The following COL4A3 variants were observed in gnomAD, a reference collection of about 807,000 sequenced individuals.
COL4A3 encodes the protein collagen type IV alpha 3 chain.
A neutral mutation model predicts 217.4 loss-of-function variants in COL4A3; 135 were observed. That is an observed-to-expected ratio of 0.62 (90% CI 0.54 to 0.72). COL4A3 has a LOEUF of 0.72. Ranked by LOEUF, COL4A3 falls within the 30% of genes least tolerant of loss-of-function variation. The probability of loss-of-function intolerance (pLI) is 0.00; values close to 1 mark genes in which losing one functional copy is unlikely to be tolerated. For synonymous variants in COL4A3, 690 were observed against 736.3 expected, an observed-to-expected ratio of 0.94 and a Z score of 1.02; for missense variants, 1,868 against 2,119.9, an observed-to-expected ratio of 0.88 and a Z score of 2.33.
chr2:227,302,921 T>G, intron 43 of COL4A3, 117 bp from the exon 44 acceptor site: 1 of 710,250 alleles, frequency 1.4e-6, no homozygotes, highest in Admixed American at 2.1e-5. Context: ...GTCTGCTAAC[T>G]TCAGCTTATT....
intron 25 of COL4A3, among the ~76,000 whole-genome samples, chr2:227,271,913 TA>T (rs1446231067): frequency 6.6e-6 from 1 of 152,220 alleles, no homozygotes; most frequent in East Asian, 1.9e-4. Flanking sequence ...TGTTAGCCAA[TA>T]AAACAGATCT....
chr2:227,277,235 C>A (rs1198676661), intron 27 of COL4A3, among the ~76,000 whole-genome samples: 1 of 150,272 alleles, frequency 6.7e-6, no homozygotes, highest in Non-Finnish European at 1.5e-5. Context: ...GGGAGAATGG[C>A]GTGAACCCAG....
At chr2:227,291,588 A>C (rs2072740113) in intron 37 of COL4A3, among the ~76,000 whole-genome samples, 2 of 34,150 alleles carry the variant, frequency 5.9e-5, no homozygotes, top group Non-Finnish European at 8.3e-5. Flanking sequence ...AACAAAAAAA[A>C]AAAACAAAAA....
At position 227,248,471 on chromosome 2, in the gene COL4A3, A is replaced by G. The variant is rs369769279; in HGVS notation, c.497A>G (p.Glu166Gly). The change falls in exon 9 of 52, where the codon GAA becomes GGA. Residue 166 changes from glutamate to glycine, a missense_variant. Glu to Gly is a moderately conservative substitution (Grantham distance 98). Transcript: ENST00000396578. Reference sequence around the variant, plus strand: ...GCTCCTGCTAAAGAAGAAGATATAGAACTTGATGCAAAAGGCGACCCCGGG... The same window carrying G: ...GCTCCTGCTAAAGAAGAAGATATAGGACTTGATGCAAAAGGCGACCCCGGG... ...KGAPAKEEDI[E>G]LDAKGDPGLP... 4.3e-6 allele frequency: 7 copies of G among 1,612,982 alleles called. No homozygotes were observed. In the African/African-American group the frequency reaches 9.3e-5, roughly 22 times the overall value.
At chr2:227,166,057 A>G (rs113413006) in intron 1 of COL4A3, among the ~76,000 whole-genome samples, 66 of 152,322 alleles carry the variant, frequency 4.3e-4, no homozygotes, top group African/African-American at 1.6e-3. Flanking sequence ...CAACCTGTAG[A>G]CCAGTCCATG....
At chr2:227,261,603 T>C (rs893127190) in intron 20 of COL4A3, among the ~76,000 whole-genome samples, 5 of 152,238 alleles carry the variant, frequency 3.3e-5, no homozygotes, top group Non-Finnish European at 5.9e-5. Flanking sequence ...GTGGAGCTGA[T>C]ACAAACTGAT....
intron 1 of COL4A3, among the ~76,000 whole-genome samples, chr2:227,197,248 G>T (rs546812154): frequency 6.6e-6 from 1 of 151,826 alleles, no homozygotes; most frequent in African/African-American, 2.4e-5. Flanking sequence ...ATGGAGTCTC[G>T]CTCTGTCGCC....
chr2:227,186,953 G>A (rs1351837624), intron 1 of COL4A3, among the ~76,000 whole-genome samples: 2 of 152,176 alleles, frequency 1.3e-5, no homozygotes, highest in Admixed American at 6.5e-5. Context: ...GGTGGAAGGA[G>A]TGAGCAAATT....
At position 227,248,431 on chromosome 2, in the gene COL4A3, T is replaced by C. The variant is rs752965775; in HGVS notation, c.469-12T>C. 7 of 1,572,444 alleles carry C rather than the reference T, an allele frequency of 4.5e-6. No individual in the cohort carries two copies. The African/African-American group carries it at 6.7e-5, about 15-fold the overall frequency. On this transcript the variant is annotated splice_polypyrimidine_tract_variant and intron_variant, in intron 8 of 51. Coordinates refer to ENST00000396578, the MANE Select transcript of COL4A3 (RefSeq NM_000091.5). ...ACATTGATGATGTTTGATGAACTTC[T>C]TCATTTTCAAGGGTGCTCCTGCTAA... is the stretch of plus-strand genomic sequence containing the variant.
At position 227,267,771 on chromosome 2, in the gene COL4A3, C is replaced by A. The variant is rs1043448177; in HGVS notation, c.1504+683C>A. On this transcript the variant is annotated intron_variant, in intron 23 of 51. Transcript: ENST00000396578. The stretch of plus-strand genomic sequence containing the variant: ...GGTGTTTTTTTAAAAAAATATTAGC[C>A]ACTAAGTCAAATTTTGAAAGGAAAA... Among the ~76,000 whole-genome samples the A allele has an allele frequency of 4.2e-4, 58 of 138,422 alleles. 1 individual carries two copies. The allele number at this position is 138,422 out of a possible 152,430, so 90.8% of individuals were successfully genotyped here.
rs781672496 is a variant in COL4A3 at position 227,283,822 on chromosome 2, G to C, written c.2712G>C (p.Gly904=). The C allele has an allele frequency of 6.2e-7, 1 of 1,614,152 alleles. No homozygotes were observed. The highest frequency in any genetic ancestry group is 8.5e-7 in the Non-Finnish European group (1 of 1,179,992). Residue 904 remains glycine (G), a synonymous_variant, in exon 33 of 52, where the codon GGG becomes GGC. Coordinates refer to ENST00000396578, the MANE Select transcript of COL4A3 (RefSeq NM_000091.5). The part of the protein sequence containing the change: ...MGFPGAIGPP[G]PPGNPGTPGQ... ...TTCCTGGAGCCATTGGCCCTCCAGGGCCCCCTGGGAACCCAGGCACACCAG... is the reference window on the plus strand; with the variant it reads ...TTCCTGGAGCCATTGGCCCTCCAGGCCCCCCTGGGAACCCAGGCACACCAG...
At chr2:227,190,039 T>A (rs1008797232) in intron 1 of COL4A3, among the ~76,000 whole-genome samples, 4 of 152,190 alleles carry the variant, frequency 2.6e-5, no homozygotes, top group Non-Finnish European at 1.5e-5. Flanking sequence ...ATGGATGTGC[T>A]TCTACCAAGA....
chr2:227,293,071 T>G, intron 37 of COL4A3, 120 bp from the exon 38 acceptor site: 1 of 1,309,846 alleles, frequency 7.6e-7, no homozygotes, highest in Non-Finnish European at 1.1e-6. Context: ...TGCTGGCAGA[T>G]AGCAGATACT....
At chr2:227,267,749 G>GT (rs2070992075) in intron 23 of COL4A3, among the ~76,000 whole-genome samples, 2 of 149,390 alleles carry the variant, frequency 1.3e-5, no homozygotes, top group South Asian at 2.1e-4. Context: ...ATCTCATGGT[G>GT]TTTTTTTAAA....
intron 43 of COL4A3, among the ~76,000 whole-genome samples, chr2:227,300,829 T>C (rs79747345): frequency 0.12 from 17,509 of 152,146 alleles, 1,129 homozygotes; most frequent in Non-Finnish European, 0.15. Flanking sequence ...CCCAAGGAGA[T>C]TGATGCCTGG....
chr2:227,200,429 G>A (rs1282832585), intron 1 of COL4A3, among the ~76,000 whole-genome samples: 1 of 152,156 alleles, frequency 6.6e-6, no homozygotes, highest in African/African-American at 2.4e-5. Flanking sequence ...TCTCACTTCT[G>A]TTCTGCATAA....
intron 1 of COL4A3, among the ~76,000 whole-genome samples, chr2:227,167,655 C>T (rs974802107): frequency 6.6e-6 from 1 of 152,206 alleles, no homozygotes; most frequent in African/African-American, 2.4e-5. Context: ...AGGATGCCTT[C>T]TCACCGGGCT....
At chr2:227,269,615 T>G (rs185133144) in intron 23 of COL4A3, among the ~76,000 whole-genome samples, 271 of 152,278 alleles carry the variant, frequency 1.8e-3, no homozygotes, top group Admixed American at 3.6e-3. Flanking sequence ...TTCTGCATAA[T>G]TTTCTTATAA....
Position 227,260,138 on chromosome 2 carries a change from G to GTT in COL4A3, c.1114+261_1114+262insTT. On this transcript the variant is annotated intron_variant, in intron 19 of 51. Transcript: ENST00000396578. Reference sequence around the variant, plus strand: ...TCTGTCATGGAAACATTTGCTGGAGGGCAGGAGGAGGGAGTGCAAGGCATT... The same window carrying GTT: ...TCTGTCATGGAAACATTTGCTGGAGGTTGCAGGAGGAGGGAGTGCAAGGCATT... 3 of 623,832 alleles carry GTT rather than the reference G, an allele frequency of 4.8e-6. No individual in the cohort carries two copies. The Admixed American group carries it at 5.8e-5, about 12-fold the overall frequency. The allele number at this position is 623,832 out of a possible 1,614,324, so 38.6% of individuals were successfully genotyped here.
Sources: gnomAD v4.1 joint callset for allele counts (sites outside exome capture counted in the v4.1 genomes callset) on GRCh38, gnomAD v4.1.1 for gene constraint, MANE v1.5 for transcripts, NCBI Gene and HGNC (gene_info 2026-07-23, HGNC 2026-07-21) for gene names.